The following SIK3 variants were observed in gnomAD, a reference collection of about 807,000 sequenced individuals.
SIK3 encodes the protein SIK family kinase 3, also known as serine/threonine-protein kinase SIK3.
In SIK3, 28 loss-of-function variants were observed where a neutral mutation model predicts 144.2. The ratio of observed to expected loss-of-function variants is 0.19; its 90% confidence interval spans 0.14 to 0.27. The LOEUF is 0.27. Among genes scored for constraint, SIK3 ranks in the 10% least tolerant of loss-of-function variants. The pLI is 1.00. For synonymous variants in SIK3, 686 were observed against 676.3 expected (o/e 1.01, Z -0.22); for missense variants, 1,319 against 1,776.0 (o/e 0.74, Z 4.62).
At chr11:116,877,082 G>A (rs752063359) in intron 6 of SIK3, 40 bp from the exon 7 acceptor site, 3 of 1,570,522 alleles carry the variant, frequency 1.9e-6, no homozygotes, top group Non-Finnish European at 2.6e-6. Flanking sequence ...CTCTGGTGAG[G>A]GGAGGCACCA....
chr11:116,858,645 G>C lies in SIK3; in HGVS notation c.2820C>G (p.Pro940=). 1 of 1,588,706 alleles carries C rather than the reference G, an allele frequency of 6.3e-7. No individual in the cohort carries two copies. The highest frequency in any genetic ancestry group is 8.6e-7 in the Non-Finnish European group (1 of 1,167,348). Residue 940 remains proline (P), a synonymous_variant, in exon 21 of 25, where the codon CCC becomes CCG. Transcript: ENST00000445177. This position sits in a 1 kb window ranked among gnomAD's most constrained non-coding sequence, Gnocchi z 5.4. ...CCCGGGACTGGTCCGAAAACAGATG[G>C]GGGTGTAAATGCGCCTGGTCGTAGT... ...PANYDQAHLH[P]HLFSDQSRGS...
intron 3 of SIK3, chr11:116,950,130 T>C (rs1356566907): frequency 2.1e-6 from 1 of 470,876 alleles, no homozygotes; most frequent in African/African-American, 2.0e-5. Context: ...ATTCTCGGCA[T>C]ACCTGATCAA....
chr11:116,867,949 T>C lies in SIK3; in HGVS notation c.1949A>G (p.His650Arg). The C allele has an allele frequency of 1.3e-6, 2 of 1,541,112 alleles. No homozygotes were observed. The highest frequency in any genetic ancestry group is 1.8e-6 in the Non-Finnish European group (2 of 1,141,698). ...VWPPHLVPDQHRSTYKDSNTL... is the reference protein window; with the variant it reads ...VWPPHLVPDQRRSTYKDSNTL... ...CACAGCTCATGTGGCTACTCACCGA[T>C]GCTGATCAGGTACCAGGTGAGGAGG... The change falls in exon 15 of 25, where the codon CAT becomes CGT. Residue 650 changes from histidine to arginine, a missense_variant. By Grantham distance (29) the His-to-Arg change is conservative. Coordinates refer to ENST00000445177, the MANE Select transcript of SIK3 (RefSeq NM_001366686.3). This position sits in a 1 kb window ranked among gnomAD's most constrained non-coding sequence, Gnocchi z 4.1.
intron 1 of SIK3, among the ~76,000 whole-genome samples, chr11:117,033,435 C>T (rs185825490): frequency 2.7e-4 from 41 of 152,286 alleles, no homozygotes; most frequent in South Asian, 1.5e-3. Context: ...GGTGCAGTGG[C>T]TCACACCTGT....
chr11:116,876,131 G>A, intron 8 of SIK3, 122 bp from the exon 9 acceptor site: 1 of 1,497,688 alleles, frequency 6.7e-7, no homozygotes, highest in Admixed American at 2.1e-5. Flanking sequence ...GGCCCAGGAA[G>A]GGGCAGAGGA....
intron 1 of SIK3, among the ~76,000 whole-genome samples, chr11:116,967,003 C>CCAAAA (rs1555113643): frequency 3.0e-5 from 3 of 100,154 alleles, no homozygotes; most frequent in Admixed American, 2.1e-4. Context: ...GACTCTGTTT[C>CCAAAA]AAAAAAAAAA....
intron 6 of SIK3, among the ~76,000 whole-genome samples, chr11:116,891,661 TAA>T (rs1491481590): frequency 1.4e-5 from 2 of 146,406 alleles, no homozygotes; most frequent in East Asian, 2.7e-4. Context: ...TGTGTTTAAG[TAA>T]GAGAGAGAGA....
intron 6 of SIK3, among the ~76,000 whole-genome samples, chr11:116,877,271 G>A (rs1054676063): frequency 3.3e-5 from 5 of 152,202 alleles, no homozygotes; most frequent in African/African-American, 1.2e-4. Context: ...TCTGGTTGTT[G>A]CCTTCACCAA....
chr11:116,856,412 T>C (rs1942933663), intron 21 of SIK3, among the ~76,000 whole-genome samples: 1 of 152,126 alleles, frequency 6.6e-6, no homozygotes, highest in African/African-American at 2.4e-5. Context: ...TTGCTGCAAC[T>C]TCTATCTTGA....
chr11:117,045,603 C>G (rs1952928804), intron 1 of SIK3, among the ~76,000 whole-genome samples: 1 of 152,218 alleles, frequency 6.6e-6, no homozygotes, highest in Non-Finnish European at 1.5e-5. Context: ...TTCTCGCTTA[C>G]TAATCCTGTG....
At chr11:117,036,015 C>T (rs1952484651) in intron 1 of SIK3, 11 of 1,480,944 alleles carry the variant, frequency 7.4e-6, no homozygotes, top group Non-Finnish European at 1.0e-5. Context: ...TTCTCCTTTT[C>T]TGGAGAGGGA....
At chr11:116,916,422 A>C (rs187780446) in intron 4 of SIK3, among the ~76,000 whole-genome samples, 1 of 152,264 alleles carries the variant, frequency 6.6e-6, no homozygotes, top group East Asian at 1.9e-4. Context: ...CTTTACTAAT[A>C]TTCTGCCACC....
chr11:117,070,487 C>T (rs1954215997), intron 1 of SIK3, among the ~76,000 whole-genome samples: 1 of 151,630 alleles, frequency 6.6e-6, no homozygotes, highest in Non-Finnish European at 1.5e-5. Context: ...ACTCTTGTCG[C>T]CCAGGCTGGA....
In SIK3 at chr11:116,863,521, G is replaced by A. The variant is rs531991270; in HGVS notation, c.2103+147C>T. ...TGGGATTATAGGCGGGATCCACTGCGCCCGGCCCAGAAAGCTATACTTTTT... is the reference window on the plus strand; with the variant it reads ...TGGGATTATAGGCGGGATCCACTGCACCCGGCCCAGAAAGCTATACTTTTT... On this transcript the variant is annotated intron_variant, in intron 16 of 24. Transcript: ENST00000445177. 5.3e-5 allele frequency: 64 copies of A among 1,201,754 alleles called. No homozygotes were observed. The African/African-American group carries it at 8.1e-4, about 15-fold the overall frequency. The allele number at this position is 1,201,754 out of a possible 1,614,324, so 74.4% of individuals were successfully genotyped here.
intron 1 of SIK3, chr11:117,036,091 T>A (rs1467475838): frequency 3.2e-6 from 1 of 312,720 alleles, no homozygotes; most frequent in Admixed American, 5.1e-5. Flanking sequence ...GAAAGGTTAA[T>A]TTTTTTTTTT....
intron 4 of SIK3, among the ~76,000 whole-genome samples, chr11:116,924,581 G>A (rs1947172562): frequency 6.6e-6 from 1 of 152,130 alleles, no homozygotes; most frequent in Non-Finnish European, 1.5e-5. Flanking sequence ...TTTGGTCAAG[G>A]TGTTCCACAC....
At chr11:116,872,639 T>C (rs889447210) in intron 13 of SIK3, among the ~76,000 whole-genome samples, 1 of 152,250 alleles carries the variant, frequency 6.6e-6, no homozygotes, top group African/African-American at 2.4e-5. Context: ...AGAGACACTT[T>C]TAGCAATTTA....
chr11:116,981,892 C>T (rs746022488), intron 1 of SIK3, among the ~76,000 whole-genome samples: 1 of 152,142 alleles, frequency 6.6e-6, no homozygotes, highest in Admixed American at 6.5e-5. Context: ...TTGATTCTCC[C>T]AGACACTGGG....
chr11:116,953,946 A>T, intron 3 of SIK3, 98 bp downstream of exon 3: 1 of 852,126 alleles, frequency 1.2e-6, no homozygotes. Flanking sequence ...AACAGCATCA[A>T]GTGACTGCTG....
Sources: allele counts gnomAD v4.1 joint callset (sites outside exome capture counted in the v4.1 genomes callset), GRCh38; gene constraint gnomAD v4.1.1; non-coding constraint Gnocchi (gnomAD v3.1); transcripts MANE v1.5; gene names NCBI Gene and HGNC (gene_info 2026-07-23, HGNC 2026-07-21).